Variants in CUX1 observed in about 807,000 individuals in gnomAD.
The protein encoded by CUX1 is protein CASP.
In CUX1, 31 loss-of-function variants were observed where a neutral mutation model predicts 158.8. That is an observed-to-expected ratio of 0.20 (90% CI 0.15 to 0.26). CUX1 has a LOEUF of 0.26. Ranked by LOEUF, CUX1 falls within the 10% of genes least tolerant of loss-of-function variation. The probability of loss-of-function intolerance (pLI) is 1.00; values close to 1 mark genes in which losing one functional copy is unlikely to be tolerated. For synonymous variants in CUX1, 879 were observed against 862.1 expected (o/e 1.02, Z -0.34); for missense variants, 1,589 against 2,014.6 (o/e 0.79, Z 4.04).
At chr7:102,006,812 C>G (rs1278415668) in intron 2 of CUX1, among the ~76,000 whole-genome samples, 2 of 152,242 alleles carry the variant, frequency 1.3e-5, no homozygotes, top group Non-Finnish European at 2.9e-5. Flanking sequence ...CTGGATGCAT[C>G]AGGCGTCACT....
chr7:102,025,623 G>A (rs889069999), intron 2 of CUX1, among the ~76,000 whole-genome samples: 2 of 147,428 alleles, frequency 1.4e-5, no homozygotes, highest in African/African-American at 2.5e-5. Context: ...GCCAGACCCC[G>A]TCTTAGGTGG....
Position 102,201,044 on chromosome 7 carries a change from A to C in CUX1, c.2063-316A>C, listed in dbSNP as rs983663587. On this transcript the variant is annotated intron_variant, in intron 17 of 23. Coordinates refer to ENST00000292535, the MANE Select transcript of CUX1 (RefSeq NM_181552.4). The surrounding 1 kb of genome is among the most constrained non-coding windows in gnomAD (Gnocchi z 5.0). ...TGTCGCTAAAAAAAAAAAAAAAAAA[A>C]AAAAAAAAAATTCTCGGGGAAAGGA... Among the ~76,000 whole-genome samples, 5 of 150,976 alleles carry C rather than the reference A, an allele frequency of 3.3e-5. No individual in the cohort carries two copies. The highest frequency in any genetic ancestry group is 1.2e-4 in the African/African-American group (5 of 41,032).
chr7:102,239,718 C>G, intron 23 of CUX1, 134 bp downstream of exon 23: 6 of 979,884 alleles, frequency 6.1e-6, no homozygotes, highest in Non-Finnish European at 8.8e-6. Flanking sequence ...TTGGTCCGTT[C>G]CTTGGTCCCT....
Position 101,904,117 on chromosome 7 carries a change from A to AACACACACACACAC in CUX1, c.31-11978_31-11965dup, listed in dbSNP as rs10622369. Among the ~76,000 whole-genome samples the AACACACACACACAC allele has an allele frequency of 2.4e-3, 349 of 143,854 alleles. 3 individuals carry two copies. The highest frequency in any genetic ancestry group is 8.7e-3 in the African/African-American group (335 of 38,686). The allele number at this position is 143,854 out of a possible 152,430, so 94.4% of individuals were successfully genotyped here. A position where few individuals can be genotyped will look rare whatever the true frequency, so the allele number is the denominator to read the frequency against. On this transcript the variant is annotated intron_variant, in intron 1 of 23. Transcript: ENST00000292535. Reference sequence around the variant, plus strand: ...ACATGGCAAAACCGTGTCTTTACAAAACACACACACACACACACACACACA... The same window carrying AACACACACACACAC: ...ACATGGCAAAACCGTGTCTTTACAAAACACACACACACACACACACACACACACACACACACACA...
intron 5 of CUX1, among the ~76,000 whole-genome samples, chr7:102,098,526 G>C (rs374491945): frequency 6.6e-6 from 1 of 152,162 alleles, no homozygotes; most frequent in African/African-American, 2.4e-5. Flanking sequence ...CGGGAGGATC[G>C]CTTGAACCCA....
In CUX1 at chr7:101,941,454, C is replaced by T. The variant is rs144471828; in HGVS notation, c.141+25229C>T. Among the ~76,000 whole-genome samples the T allele has an allele frequency of 1.1e-3, 165 of 152,220 alleles. 3 individuals carry two copies. The East Asian group carries it at 0.03, about 27-fold the overall frequency. ...AACTGTTCCTGGAGAATCTTAAAGA[C>T]GAAAATGGAAGAAAGGGCTCACATC... On this transcript the variant is annotated intron_variant, in intron 2 of 23. Transcript: ENST00000292535.
chr7:102,243,268 T>C (rs1158763077), intron 23 of CUX1, among the ~76,000 whole-genome samples: 7 of 152,078 alleles, frequency 4.6e-5, no homozygotes, highest in Admixed American at 4.6e-4. Context: ...AGCGAGACTC[T>C]GTCTCAAAAA....
At chr7:102,280,178 G>C in intron 19 of CUX1, 10 of 1,194,534 alleles carry the variant, frequency 8.4e-6, no homozygotes, top group Admixed American at 3.6e-5. Flanking sequence ...GGAAGCCCAG[G>C]GGTCCCCCCA....
At chr7:102,245,593 C>A (rs1353798928) in intron 23 of CUX1, among the ~76,000 whole-genome samples, 1 of 152,178 alleles carries the variant, frequency 6.6e-6, no homozygotes, top group Non-Finnish European at 1.5e-5. Context: ...GGTCCTACAT[C>A]ATACATTTAA....
Position 101,916,232 on chromosome 7 carries a change from C to T in CUX1, c.141+7C>T, listed in dbSNP as rs1362882205. On this transcript the variant is annotated splice_region_variant and intron_variant, in intron 2 of 23. Transcript: ENST00000292535. The surrounding 1 kb of genome is among the most constrained non-coding windows in gnomAD (Gnocchi z 4.4). ...CAAGAAGAACACTCCAGAGGTGAGGCGCGTGACCATCGTGTTCGCTTTGAA... is the reference window on the plus strand; with the variant it reads ...CAAGAAGAACACTCCAGAGGTGAGGTGCGTGACCATCGTGTTCGCTTTGAA... The T allele has an allele frequency of 6.4e-7, 1 of 1,565,592 alleles. No individual in the cohort carries two copies. Among genetic ancestry groups the T allele is most frequent in the Non-Finnish European group, 8.8e-7 (1 of 1,136,042 alleles).
chr7:101,862,823 G>A (rs1037208734), intron 1 of CUX1, among the ~76,000 whole-genome samples: 2 of 151,914 alleles, frequency 1.3e-5, no homozygotes, highest in Non-Finnish European at 2.9e-5. Flanking sequence ...AGAGGATAAA[G>A]ACCCGTATTA....
chr7:101,869,533 A>G lies in CUX1; in HGVS notation c.31-46582A>G, dbSNP rs1482026027. On this transcript the variant is annotated intron_variant, in intron 1 of 23. Coordinates refer to ENST00000292535, the MANE Select transcript of CUX1 (RefSeq NM_181552.4). The surrounding 1 kb of genome is among the most constrained non-coding windows in gnomAD (Gnocchi z 4.5). ...AGGGCTGAGGCTGTGGGGTGAGCAC[A>G]GCATTTGCGGGGCGCGGGAAGGGAG... is the stretch of plus-strand genomic sequence containing the variant. Among the ~76,000 whole-genome samples the G allele has an allele frequency of 1.3e-5, 2 of 150,854 alleles. No individual in the cohort carries two copies. The highest frequency in any genetic ancestry group is 2.0e-4 in the East Asian group (1 of 5,006).
chr7:102,264,284 G>T (rs186946197), intron 14 of CUX1, among the ~76,000 whole-genome samples: 18 of 152,300 alleles, frequency 1.2e-4, no homozygotes, highest in Admixed American at 9.8e-4. Context: ...GGGATTACAG[G>T]CATGAGCCAT....
At chr7:101,966,584 T>C (rs1811241317) in intron 2 of CUX1, among the ~76,000 whole-genome samples, 1 of 152,162 alleles carries the variant, frequency 6.6e-6, no homozygotes, top group African/African-American at 2.4e-5. Context: ...GCCTGGTGAT[T>C]GCAGGCTGCT....
chr7:102,132,327 GCCACGCACACA>G (rs1833376384), intron 8 of CUX1, among the ~76,000 whole-genome samples: 1 of 148,924 alleles, frequency 6.7e-6, no homozygotes, highest in Non-Finnish European at 1.5e-5. Flanking sequence ...GCGCGCGCAC[GCCACGCACACA>G]CGCATCTTTA....
At chr7:101,858,189 C>G (rs1244722067) in intron 1 of CUX1, among the ~76,000 whole-genome samples, 1 of 152,108 alleles carries the variant, frequency 6.6e-6, no homozygotes, top group Admixed American at 6.5e-5. Context: ...TACCAGGGAA[C>G]CTGCTTTAAA....
intron 4 of CUX1, among the ~76,000 whole-genome samples, chr7:102,084,858 C>CTTTTGTTTT (rs1827800662): frequency 1.8e-5 from 1 of 56,048 alleles, no homozygotes; most frequent in African/African-American, 6.6e-5. Context: ...ATTTTCCTTG[C>CTTTTGTTTT]TTTTTTTTTT....
At chr7:101,936,553 C>G (rs901480679) in intron 2 of CUX1, among the ~76,000 whole-genome samples, 1 of 152,124 alleles carries the variant, frequency 6.6e-6, no homozygotes. Flanking sequence ...AAAAGGTTAT[C>G]CTTCAAGGGT....
chr7:102,144,708 A>G (rs1834845636), intron 8 of CUX1, among the ~76,000 whole-genome samples: 1 of 151,712 alleles, frequency 6.6e-6, no homozygotes, highest in Admixed American at 6.6e-5. Context: ...TAATCATAAT[A>G]ATTTTTTAAT....
Sources: gnomAD v4.1 joint callset for allele counts (sites outside exome capture counted in the v4.1 genomes callset) on GRCh38, gnomAD v4.1.1 for gene constraint, Gnocchi (gnomAD v3.1) non-coding constraint, MANE v1.5 for transcripts, NCBI Gene and HGNC (gene_info 2026-07-23, HGNC 2026-07-21) for gene names.